Variants in DENND4B observed in about 807,000 individuals in gnomAD.
The protein encoded by DENND4B is DENN domain-containing protein 4B.
DENND4B carries 67 observed loss-of-function variants against 161.0 expected under a neutral mutation model. The ratio of observed to expected loss-of-function variants is 0.42; its 90% CI spans 0.34 to 0.51. DENND4B has a LOEUF of 0.51. DENND4B is among the 20% of genes least tolerant of loss of function. The pLI, the probability that DENND4B is intolerant of heterozygous loss-of-function variation, is 0.08. For missense variants in DENND4B, 1,481 were observed against 1,968.0 expected (o/e 0.75, Z 4.68); for synonymous variants, 753 against 813.8 (o/e 0.93, Z 1.27).
chr1:153,946,490 A>C lies in DENND4B; in HGVS notation c.-213T>G, dbSNP rs1022784882. ...GCAGAGCGCGGGGCGCAGTGGAAGGAGATCCGGGCGGTCCCCGCGTCCCCG... is the reference window on the plus strand; with the variant it reads ...GCAGAGCGCGGGGCGCAGTGGAAGGCGATCCGGGCGGTCCCCGCGTCCCCG... On this transcript the variant is annotated 5_prime_UTR_variant, in exon 1 of 28. Transcript: ENST00000361217. The surrounding 1 kb of genome is among the most constrained non-coding windows in gnomAD (Gnocchi z 6.3). 4 of 389,580 alleles carry C rather than the reference A, an allele frequency of 1.0e-5. No homozygotes were observed. Among genetic ancestry groups the C allele is most frequent in the Admixed American group, 4.5e-5 (1 of 22,332 alleles). 24.1% of individuals were successfully genotyped at this position (389,580 alleles called of 1,614,324 possible).
chr1:153,938,966 A>G lies in DENND4B; in HGVS notation c.1899T>C (p.Ile633=). The G allele has an allele frequency of 6.2e-7, 1 of 1,610,750 alleles. No individual in the cohort carries two copies. The highest frequency in any genetic ancestry group is 8.5e-7 in the Non-Finnish European group (1 of 1,178,480). Residue 633 remains isoleucine (I), a synonymous_variant, in exon 13 of 28, where the codon ATT becomes ATC. Transcript: ENST00000361217. Reference sequence around the variant, plus strand: ...GAGCAGAGCCAAAAGAGCACTCCTCAATGAACTGTGAGAACATCTGTGTGT... The same window carrying G: ...GAGCAGAGCCAAAAGAGCACTCCTCGATGAACTGTGAGAACATCTGTGTGT... The part of the protein sequence containing the change: ...LLHTQMFSQF[I]EECSFGSARH...
In DENND4B at chr1:153,933,007, C is replaced by G; in HGVS notation, c.3477G>C (p.Leu1159=). Residue 1159 remains leucine, a synonymous_variant, in exon 22 of 28, where the codon CTG becomes CTC. Transcript: ENST00000361217. This position sits in a 1 kb window ranked among gnomAD's most constrained non-coding sequence, Gnocchi z 5.7. The part of the protein sequence containing the change: ...SLEILLSSCS[L]CRACDSLVYD... ...ACACCAGCGAATCACAGGCACGGCA[C>G]AGGGAGCAGCTGGACAGCAGAATCT... 1 of 1,613,910 alleles carries G rather than the reference C, an allele frequency of 6.2e-7. No homozygotes were observed. The highest frequency in any genetic ancestry group is 8.5e-7 in the Non-Finnish European group (1 of 1,179,864).
chr1:153,943,678 T>TAAAAAAAA lies in DENND4B; in HGVS notation c.317+372_317+379dup, dbSNP rs11330733. On this transcript the variant is annotated intron_variant, in intron 2 of 27. Coordinates refer to ENST00000361217, the MANE Select transcript of DENND4B (RefSeq NM_014856.3). ...GAGTGACAGAGAGAGACTCTGTCTA[T>TAAAAAAAA]AAAAAAAAAAAAAAAAAAAAAAATA... Among the ~76,000 whole-genome samples, 300 of 92,124 alleles carry TAAAAAAAA rather than the reference T, an allele frequency of 3.3e-3. 1 individual carries two copies. Among genetic ancestry groups the TAAAAAAAA allele is most frequent in the Admixed American group, 4.5e-3 (35 of 7,728 alleles). The allele number at this position is 92,124 out of a possible 152,430, so 60.4% of individuals were successfully genotyped here.
In DENND4B at chr1:153,930,676, G is replaced by A. The variant is rs2101994040; in HGVS notation, c.4280+16C>T. ...CCCCGGACAGACCAGGGATCACCCAGATGGTAGCACCATACCTCTGCAGGT... is the reference window on the plus strand; with the variant it reads ...CCCCGGACAGACCAGGGATCACCCAAATGGTAGCACCATACCTCTGCAGGT... On this transcript the variant is annotated intron_variant, in intron 26 of 27. Transcript: ENST00000361217. This position sits in a 1 kb window ranked among gnomAD's most constrained non-coding sequence, Gnocchi z 4.7. The A allele has an allele frequency of 6.2e-7, 1 of 1,613,404 alleles. No homozygotes were observed. Among genetic ancestry groups the A allele is most frequent in the African/African-American group, 1.3e-5 (1 of 75,066 alleles).
In DENND4B at chr1:153,938,913, G is replaced by C. The variant is rs1456711842; in HGVS notation, c.1952C>G (p.Ser651Cys). ...AAGGGATGATACCTTTTCAACACAA[G>C]AGTCAAAGAATTCAAGGGCAGCATG... Reference protein sequence around the residue: ...ARHAALEFFDSCVEKVHPEQE... With the variant: ...ARHAALEFFDCCVEKVHPEQE... Residue 651 changes from serine (S) to cysteine (C), a missense_variant, in exon 13 of 28, where the codon TCT becomes TGT. This residue lies in a region of DENND4B where 806 missense variants were observed against 1,134.4 expected (regional missense o/e 0.71). Transcript: ENST00000361217. 2.5e-6 allele frequency: 4 copies of C among 1,590,406 alleles called. No homozygotes were observed. Among genetic ancestry groups the C allele is most frequent in the Non-Finnish European group, 3.4e-6 (4 of 1,168,232 alleles).
rs1679700184 is a variant in DENND4B, at chr1:153,942,000, C to T, written c.924G>A (p.Gly308=). 2 of 1,612,108 alleles carry T rather than the reference C, an allele frequency of 1.2e-6. No homozygotes were observed. The highest frequency in any genetic ancestry group is 1.7e-6 in the Non-Finnish European group (2 of 1,179,394). The change falls in exon 6 of 28, where the codon GGG becomes GGA. Residue 308 remains glycine, a synonymous_variant. Coordinates refer to ENST00000361217, the MANE Select transcript of DENND4B (RefSeq NM_014856.3). ...CACGCCGGCTGCGCACAGCTCTGCC[C>T]CCCAGTGCCCGACCCCGCTCCACGG... The part of the protein sequence containing the change: ...LSAVERGRAL[G]GRAVRSRRAI...
At chr1:153,938,043 T>C (rs1475375997) in intron 13 of DENND4B, among the ~76,000 whole-genome samples, 180 bp from the exon 14 acceptor site, 1 of 152,216 alleles carries the variant, frequency 6.6e-6, no homozygotes, top group African/African-American at 2.4e-5. Context: ...TGTGTGTGGC[T>C]GCACAGGTTG....
In DENND4B at chr1:153,943,051, G is replaced by A. The variant is rs1310390212; in HGVS notation, c.397C>T (p.Leu133=). The part of the protein sequence containing the change: ...DTTPYSHSAN[L]APPGPGHPRT... ...GGGTGCCCGGGGCCTGGAGGGGCCAGGTTTGCTGAGTGGCTGTAGGGTGTC... is the reference window on the plus strand; with the variant it reads ...GGGTGCCCGGGGCCTGGAGGGGCCAAGTTTGCTGAGTGGCTGTAGGGTGTC... Residue 133 remains leucine (L), a synonymous_variant, in exon 3 of 28, where the codon CTG becomes TTG. Transcript: ENST00000361217. The A allele has an allele frequency of 1.2e-6, 2 of 1,613,924 alleles. No individual in the cohort carries two copies. Among genetic ancestry groups the A allele is most frequent in the Non-Finnish European group, 1.7e-6 (2 of 1,179,898 alleles).
At position 153,932,863 on chromosome 1, in the gene DENND4B, G is replaced by A. The variant is rs1679049345; in HGVS notation, c.3621C>T (p.Pro1207=). ...AGCACTTGCCCTGCCTTGGGCACCT[G>A]GGCCGGGAATCAAGGGTCTGGACAC... ...LLSVQTLDSR[P]SVPSPKSAGA... is the part of the protein sequence containing the mutation. Residue 1207 remains proline, a splice_region_variant and synonymous_variant, in exon 22 of 28, where the codon CCC becomes CCT. Transcript: ENST00000361217. This position sits in a 1 kb window ranked among gnomAD's most constrained non-coding sequence, Gnocchi z 5.8. 1 of 1,613,944 alleles carries A rather than the reference G, an allele frequency of 6.2e-7. No individual in the cohort carries two copies. Among genetic ancestry groups the A allele is most frequent in the Non-Finnish European group, 8.5e-7 (1 of 1,179,858 alleles).
chr1:153,932,491 C>T lies in DENND4B; in HGVS notation c.3760-51G>A. On this transcript the variant is annotated intron_variant, in intron 23 of 27. Coordinates refer to ENST00000361217, the MANE Select transcript of DENND4B (RefSeq NM_014856.3). This position sits in a 1 kb window ranked among gnomAD's most constrained non-coding sequence, Gnocchi z 5.8. ...GTAGAGGGCATGTACATCCCCAGAG[C>T]CTTGCCTCCCACTGAGCCACCACAT... 2 of 1,558,710 alleles carry T rather than the reference C, an allele frequency of 1.3e-6. No individual in the cohort carries two copies. The highest frequency in any genetic ancestry group is 1.2e-5 in the South Asian group (1 of 84,980).
intron 1 of DENND4B, among the ~76,000 whole-genome samples, chr1:153,945,760 G>A (rs1679924932): frequency 6.6e-6 from 1 of 152,224 alleles, no homozygotes; most frequent in Non-Finnish European, 1.5e-5. Context: ...CCATTAGGTG[G>A]GACCTTCTGA....
intron 1 of DENND4B, among the ~76,000 whole-genome samples, chr1:153,945,992 G>C (rs1679942676): frequency 1.3e-5 from 2 of 152,242 alleles, no homozygotes; most frequent in African/African-American, 2.4e-5. Flanking sequence ...CAGGAGGGCA[G>C]AGAAGCAGGC....
At chr1:153,943,414 A>G (rs945568908) in intron 2 of DENND4B, among the ~76,000 whole-genome samples, 13 of 152,354 alleles carry the variant, frequency 8.5e-5, no homozygotes, top group African/African-American at 2.6e-4. Flanking sequence ...ACGGTGGCTC[A>G]TGCCTATAAT....
rs779693748 is a variant in DENND4B, at chr1:153,934,329, G to A, written c.2774-27C>T. The stretch of plus-strand genomic sequence containing the variant: ...TGTAAAAGACGAGAAGGGGTTTAGA[G>A]GCGGCCAGCTAGGAACCCAGTCCCC... On this transcript the variant is annotated intron_variant, in intron 18 of 27. Coordinates refer to ENST00000361217, the MANE Select transcript of DENND4B (RefSeq NM_014856.3). The surrounding 1 kb of genome is among the most constrained non-coding windows in gnomAD (Gnocchi z 5.3). 5.1e-6 allele frequency: 8 copies of A among 1,553,486 alleles called. No homozygotes were observed. The highest frequency in any genetic ancestry group is 6.1e-6 in the Non-Finnish European group (7 of 1,154,554).
Position 153,933,863 on chromosome 1 carries a change from C to T in DENND4B, c.2950G>A (p.Ala984Thr). The T allele has an allele frequency of 6.2e-7, 1 of 1,612,644 alleles. No individual in the cohort carries two copies. The highest frequency in any genetic ancestry group is 8.5e-7 in the Non-Finnish European group (1 of 1,179,600). Residue 984 changes from alanine (A) to threonine (T), a missense_variant, in exon 20 of 28, where the codon GCC (alanine) becomes ACC (threonine). This residue lies in a region of DENND4B where 339 missense variants were observed against 330.3 expected (regional missense o/e 1.03). Transcript: ENST00000361217. The surrounding 1 kb of genome is among the most constrained non-coding windows in gnomAD (Gnocchi z 5.7). ...CCCCGGGGTTCCAGGACCCCCAAGG[C>T]CTCTATCACTGCAGCACAGAAAAGA... ...VEAGVAHMIE[A>T]LGVLEPRGSP...
Position 153,935,829 on chromosome 1 carries a change from G to A in DENND4B, c.2568+231C>T, listed in dbSNP as rs58754516. On this transcript the variant is annotated intron_variant, in intron 17 of 27. Coordinates refer to ENST00000361217, the MANE Select transcript of DENND4B (RefSeq NM_014856.3). ...CGTATGGACCCGTGCCTGGCTTAGC[G>A]GCTGACACTATTAGTTGTAGGCAGG... 4,019 of 510,936 alleles carry A rather than the reference G, an allele frequency of 7.9e-3. 142 individuals carry two copies. The highest frequency in any genetic ancestry group is 0.071 in the African/African-American group (3,655 of 51,730). The allele number at this position is 510,936 out of a possible 1,614,324, so 31.7% of individuals were successfully genotyped here. A position where few individuals can be genotyped will look rare whatever the true frequency, so the allele number is the denominator to read the frequency against.
In DENND4B at chr1:153,936,541, C is replaced by T; in HGVS notation, c.2439+1G>A. 1.3e-6 allele frequency: 2 copies of T among 1,587,824 alleles called. No individual in the cohort carries two copies. Among genetic ancestry groups the T allele is most frequent in the Non-Finnish European group, 1.7e-6 (2 of 1,163,866 alleles). ...TGAGCATGGTCACATAGATTGCCTA[C>T]CTCATCAGGGAGCACCACCTTGCCG... On this transcript the variant is annotated splice_donor_variant, in intron 16 of 27. Transcript: ENST00000361217. LOFTEE classifies it high-confidence loss of function. This position sits in a 1 kb window ranked among gnomAD's most constrained non-coding sequence, Gnocchi z 4.1.
chr1:153,937,470 G>C lies in DENND4B; in HGVS notation c.2232+18C>G, dbSNP rs755817276. 1.2e-5 allele frequency: 19 copies of C among 1,526,140 alleles called. No individual in the cohort carries two copies. The highest frequency in any genetic ancestry group is 1.5e-5 in the Non-Finnish European group (17 of 1,134,358). The allele number at this position is 1,526,140 out of a possible 1,614,324, so 94.5% of individuals were successfully genotyped here. Reference sequence around the variant, plus strand: ...CAGCCTGATCCGGGTCCCTCAGTGCGGTCCACCCACTGCTTACCTGTTTGG... The same window carrying C: ...CAGCCTGATCCGGGTCCCTCAGTGCCGTCCACCCACTGCTTACCTGTTTGG... On this transcript the variant is annotated intron_variant, in intron 15 of 27. Transcript: ENST00000361217. The surrounding 1 kb of genome is among the most constrained non-coding windows in gnomAD (Gnocchi z 4.7).
Position 153,946,015 on chromosome 1 carries a change from G to A in DENND4B, c.-24+286C>T, listed in dbSNP as rs1053714005. ...CAGAGAAGCAGGCGCGCCGGCGGCC[G>A]AGGACGTGACGGCAGCAGCGCCGGC... On this transcript the variant is annotated intron_variant, in intron 1 of 27. Coordinates refer to ENST00000361217, the MANE Select transcript of DENND4B (RefSeq NM_014856.3). This position sits in a 1 kb window ranked among gnomAD's most constrained non-coding sequence, Gnocchi z 6.3. Among the ~76,000 whole-genome samples the A allele has an allele frequency of 2.0e-5, 3 of 152,190 alleles. No individual in the cohort carries two copies. Among genetic ancestry groups the A allele is most frequent in the Admixed American group, 1.3e-4 (2 of 15,290 alleles).
Sources: gnomAD v4.1 joint callset for allele counts (sites outside exome capture counted in the v4.1 genomes callset) on GRCh38, gnomAD v4.1.1 for gene constraint, gnomAD v4.1.1 regional missense constraint, Gnocchi (gnomAD v3.1) non-coding constraint, MANE v1.5 for transcripts, NCBI Gene and HGNC (gene_info 2026-07-23, HGNC 2026-07-21) for gene names.